ADGRL2: variants seen among roughly 807,000 people sequenced by gnomAD.
ADGRL2 encodes calcium-independent alpha-latrotoxin receptor 2.
Under a neutral mutation model 157.4 loss-of-function variants are expected in ADGRL2, and 44 were observed. The ratio of observed to expected loss-of-function variants is 0.28; its 90% CI spans 0.22 to 0.36. ADGRL2 has a LOEUF of 0.36. Among genes scored for constraint, ADGRL2 ranks in the 10% least tolerant of loss-of-function variants. The pLI is 1.00. For synonymous variants in ADGRL2, 585 were observed against 624.7 expected (o/e 0.94, Z 0.95); for missense variants, 1,510 against 1,768.9 (o/e 0.85, Z 2.63).
chr1:81,657,009 CA>C lies in ADGRL2; in HGVS notation c.-143+76049del, dbSNP rs11383698. On this transcript the variant is annotated intron_variant, in intron 3 of 24. Coordinates refer to the ADGRL2 transcript ENST00000370721. Reference sequence around the variant, plus strand: ...TAGGTGATGGAGTGAGACCCTGTCTCAAAAAAAAAAAAAAAAAAAATTCAGA... The same window carrying C: ...TAGGTGATGGAGTGAGACCCTGTCTCAAAAAAAAAAAAAAAAAAATTCAGA... Among the ~76,000 whole-genome samples the C allele has an allele frequency of 6.7e-3, 737 of 109,240 alleles. 2 individuals are homozygous for C. The highest frequency in any genetic ancestry group is 0.018 in the African/African-American group (500 of 27,726). 71.7% of individuals were successfully genotyped at this position (109,240 alleles called of 152,430 possible). A position where few individuals can be genotyped will look rare whatever the true frequency, so the allele number is the denominator to read the frequency against.
At chr1:81,832,990 T>G (rs2092054649) in intron 1 of ADGRL2, among the ~76,000 whole-genome samples, 1 of 152,240 alleles carries the variant, frequency 6.6e-6, no homozygotes, top group Admixed American at 6.5e-5. Context: ...ATTTATTTTT[T>G]CATTTTCTGA....
At chr1:81,523,904 A>T (rs967047893) in intron 2 of ADGRL2, among the ~76,000 whole-genome samples, 20 of 151,996 alleles carry the variant, frequency 1.3e-4, no homozygotes, top group Non-Finnish European at 2.4e-4. Context: ...TCTACTAAAA[A>T]TACAAAAGAA....
intron 2 of ADGRL2, among the ~76,000 whole-genome samples, chr1:81,771,173 G>A (rs2086353161): frequency 6.6e-6 from 1 of 151,940 alleles, no homozygotes; most frequent in Admixed American, 6.5e-5. Flanking sequence ...TTAAGTTGTT[G>A]GTTTTTTGTA....
chr1:81,972,925 A>C (rs77027293), intron 17 of ADGRL2, among the ~76,000 whole-genome samples: 193 of 150,142 alleles, frequency 1.3e-3, no homozygotes, highest in Admixed American at 1.8e-3. Flanking sequence ...AAAAAAAAAA[A>C]AACTTGCTCA....
chr1:81,815,145 A>G (rs72717728), intron 1 of ADGRL2, among the ~76,000 whole-genome samples: 1 of 151,914 alleles, frequency 6.6e-6, no homozygotes, highest in Non-Finnish European at 1.5e-5. Flanking sequence ...TTAATCACTG[A>G]GTTTTTATGT....
chr1:81,352,687 G>A (rs114446401), intron 1 of ADGRL2, among the ~76,000 whole-genome samples: 8 of 152,092 alleles, frequency 5.3e-5, no homozygotes, highest in Admixed American at 1.3e-4. Flanking sequence ...TTAAACCTCC[G>A]TTGGTAAATT....
intron 21 of ADGRL2, 39 bp downstream of exon 21, chr1:81,985,394 A>G (rs1662857808): frequency 8.9e-7 from 1 of 1,125,900 alleles, no homozygotes; most frequent in African/African-American, 1.5e-5. Context: ...ACCATTTATT[A>G]AAGTACATAT....
chr1:81,432,952 A>C (rs1185268874), intron 1 of ADGRL2, among the ~76,000 whole-genome samples: 4 of 152,146 alleles, frequency 2.6e-5, no homozygotes, highest in African/African-American at 9.7e-5. Flanking sequence ...CTGAGGAAAA[A>C]GTGTCTGTGG....
At chr1:81,483,504 A>G (rs978909600) in intron 2 of ADGRL2, among the ~76,000 whole-genome samples, 3 of 152,212 alleles carry the variant, frequency 2.0e-5, no homozygotes, top group Non-Finnish European at 2.9e-5. Context: ...AGCTACTTCT[A>G]TTTCAAGTAA....
Position 81,498,035 on chromosome 1 carries a change from T to C in ADGRL2, c.-248+52946T>C, listed in dbSNP as rs558970625. On this transcript the variant is annotated intron_variant, in intron 2 of 24. Coordinates refer to the ADGRL2 transcript ENST00000370721. ...TCCTGGCTAACATGGTGAAACCTCGTCTCTACTAAAATAATAATAATAATA... is the reference window on the plus strand; with the variant it reads ...TCCTGGCTAACATGGTGAAACCTCGCCTCTACTAAAATAATAATAATAATA... Among the ~76,000 whole-genome samples, 3 of 152,176 alleles carry C rather than the reference T, an allele frequency of 2.0e-5. No individual in the cohort carries two copies. The East Asian group carries it at 5.8e-4, about 29-fold the overall frequency.
At chr1:81,353,067 C>T (rs112474754) in intron 1 of ADGRL2, among the ~76,000 whole-genome samples, 8 of 152,112 alleles carry the variant, frequency 5.3e-5, no homozygotes, top group Non-Finnish European at 1.2e-4. Flanking sequence ...GGGCAATATT[C>T]TGCATATATA....
chr1:81,721,540 G>T (rs146280227), intron 1 of ADGRL2, among the ~76,000 whole-genome samples: 2,619 of 152,164 alleles, frequency 0.017, 27 homozygotes, highest in Middle Eastern at 0.027. Flanking sequence ...ACGATCTCTT[G>T]AGCCCAGGAG....
At chr1:81,428,300 A>G (rs1319113443) in intron 1 of ADGRL2, among the ~76,000 whole-genome samples, 1 of 151,762 alleles carries the variant, frequency 6.6e-6, no homozygotes, top group Non-Finnish European at 1.5e-5. Flanking sequence ...AATAGCATTA[A>G]GATTACCTTC....
chr1:81,913,397 T>G (rs781505709), intron 3 of ADGRL2, among the ~76,000 whole-genome samples: 12 of 152,152 alleles, frequency 7.9e-5, no homozygotes, highest in African/African-American at 1.7e-4. Flanking sequence ...GAGTGCATAC[T>G]TCCACATTCA....
chr1:81,969,129 T>C (rs747375471), intron 14 of ADGRL2, 49 bp from the exon 15 acceptor site: 1 of 1,317,202 alleles, frequency 7.6e-7, no homozygotes, highest in South Asian at 1.2e-5. Flanking sequence ...TTTCTTCTAG[T>C]TGATGTAATG....
chr1:81,905,534 C>T (rs1178520127), intron 2 of ADGRL2, among the ~76,000 whole-genome samples: 2 of 152,166 alleles, frequency 1.3e-5, no homozygotes, highest in African/African-American at 4.8e-5. Flanking sequence ...AGAATGATAA[C>T]TCTAATCCTG....
chr1:81,844,907 GT>G (rs113900343), intron 2 of ADGRL2, among the ~76,000 whole-genome samples: 2 of 151,716 alleles, frequency 1.3e-5, no homozygotes, highest in Non-Finnish European at 1.5e-5. Context: ...TCTTAAAAGT[GT>G]TTTTTTTCTT....
chr1:81,890,209 A>C (rs1330575183), intron 2 of ADGRL2, among the ~76,000 whole-genome samples: 2 of 152,214 alleles, frequency 1.3e-5, no homozygotes, highest in African/African-American at 4.8e-5. Flanking sequence ...ATAGAAGGGC[A>C]TTCCAAGTGG....
At chr1:81,774,041 C>T (rs868532164) in intron 2 of ADGRL2, among the ~76,000 whole-genome samples, 49 of 152,156 alleles carry the variant, frequency 3.2e-4, no homozygotes, top group Admixed American at 3.9e-4. Flanking sequence ...AAGAAACAAT[C>T]CTGCTGACAC....
Sources: allele counts gnomAD v4.1 joint callset (sites outside exome capture counted in the v4.1 genomes callset), GRCh38; gene constraint gnomAD v4.1.1; transcripts MANE v1.5; gene names NCBI Gene and HGNC (gene_info 2026-07-23, HGNC 2026-07-21).